The following ZFP2 variants were observed in gnomAD, a reference collection of about 807,000 sequenced individuals.
ZFP2 encodes zinc finger protein ZFP2.
ZFP2 carries 33 observed loss-of-function variants against 36.1 expected under a neutral mutation model. The ratio of observed to expected loss-of-function variants is 0.92; its 90% confidence interval spans 0.69 to 1.22. The LOEUF (loss-of-function observed/expected upper bound fraction) is 1.22, where lower values mean the gene tolerates loss of function less well. Among genes scored for constraint, ZFP2 ranks in the 50% most tolerant of loss-of-function variants. ZFP2 has a pLI of 0.00. For missense variants in ZFP2, 522 were observed against 551.4 expected (o/e 0.95, Z 0.53); for synonymous variants, 170 against 178.0 (o/e 0.96, Z 0.36).
In ZFP2 at chr5:178,931,898, C is replaced by T. The variant is rs1758855732; in HGVS notation, c.585C>T (p.Phe195=). Residue 195 remains phenylalanine, a synonymous_variant, in exon 5 of 5, where the codon TTC becomes TTT. Transcript: ENST00000361362. ...AGTGTAAAGAGTGTGGCAAAGCCTTCCATAAGAATTCATCTCTTATTCAGC... is the reference window on the plus strand; with the variant it reads ...AGTGTAAAGAGTGTGGCAAAGCCTTTCATAAGAATTCATCTCTTATTCAGC... ...PYQCKECGKA[F]HKNSSLIQHE... is the part of the protein sequence containing the mutation. 1.2e-6 allele frequency: 2 copies of T among 1,613,904 alleles called. No individual in the cohort carries two copies. The highest frequency in any genetic ancestry group is 1.7e-6 in the Non-Finnish European group (2 of 1,179,966).
At chr5:178,908,945 G>A (rs771823015) in intron 1 of ZFP2, among the ~76,000 whole-genome samples, 4 of 152,134 alleles carry the variant, frequency 2.6e-5, no homozygotes, top group Non-Finnish European at 5.9e-5. Flanking sequence ...AAAACCCCTC[G>A]TGGCCTTTGG....
chr5:178,911,199 G>A (rs1758291690), intron 1 of ZFP2, among the ~76,000 whole-genome samples: 1 of 152,176 alleles, frequency 6.6e-6, no homozygotes, highest in African/African-American at 2.4e-5. Context: ...AAGAAAGGTA[G>A]ACAATGAACT....
intron 3 of ZFP2, among the ~76,000 whole-genome samples, chr5:178,914,278 G>C (rs1368907168): frequency 1.3e-5 from 2 of 152,080 alleles, no homozygotes; most frequent in Non-Finnish European, 2.9e-5. Flanking sequence ...ACAATTATAG[G>C]AAAAACATTG....
intron 1 of ZFP2, among the ~76,000 whole-genome samples, chr5:178,900,172 G>C (rs1758025832): frequency 6.6e-6 from 1 of 152,176 alleles, no homozygotes; most frequent in Non-Finnish European, 1.5e-5. Flanking sequence ...TTTTAAATCA[G>C]CTTTTTCTGA....
At chr5:178,914,939 C>G (rs550459333) in intron 3 of ZFP2, among the ~76,000 whole-genome samples, 80 of 152,210 alleles carry the variant, frequency 5.3e-4, no homozygotes, top group Middle Eastern at 3.4e-3. Flanking sequence ...CTAGCAGATA[C>G]GAAGATTTCT....
chr5:178,903,079 G>A (rs931300857), intron 1 of ZFP2, among the ~76,000 whole-genome samples: 27 of 152,158 alleles, frequency 1.8e-4, no homozygotes, highest in African/African-American at 5.6e-4. Context: ...ACTTGGAACT[G>A]TACAGTAGAT....
intron 4 of ZFP2, among the ~76,000 whole-genome samples, chr5:178,925,107 TTA>T (rs766110848): frequency 0.049 from 5,416 of 110,094 alleles, 344 homozygotes; most frequent in African/African-American, 0.1. Context: ...AATTGAATCT[TTA>T]TATATATATA....
chr5:178,905,641 T>C (rs1229296058), intron 1 of ZFP2, among the ~76,000 whole-genome samples: 1 of 145,980 alleles, frequency 6.9e-6, no homozygotes, highest in Non-Finnish European at 1.6e-5. Flanking sequence ...AATGTAGTGC[T>C]AGGGGGAAAA....
intron 1 of ZFP2, among the ~76,000 whole-genome samples, chr5:178,897,531 C>G (rs1436291634): frequency 6.6e-6 from 1 of 152,110 alleles, no homozygotes; most frequent in Non-Finnish European, 1.5e-5. Context: ...TTAGTACTTT[C>G]ATTTTTTGTG....
At chr5:178,910,272 T>C (rs1758265042) in intron 1 of ZFP2, 1 of 1,439,180 alleles carries the variant, frequency 6.9e-7, no homozygotes, top group Admixed American at 1.7e-5. Context: ...ACATAGGTCA[T>C]TGCAAAAGTG....
chr5:178,903,734 C>T (rs952796984), intron 1 of ZFP2, among the ~76,000 whole-genome samples: 1 of 152,162 alleles, frequency 6.6e-6, no homozygotes, highest in Non-Finnish European at 1.5e-5. Flanking sequence ...CTTTGGGAGG[C>T]CGAGGTGGGT....
chr5:178,917,353 A>C (rs748668081), intron 4 of ZFP2, among the ~76,000 whole-genome samples: 12 of 152,112 alleles, frequency 7.9e-5, no homozygotes, highest in African/African-American at 9.7e-5. Flanking sequence ...CGTGGCTCAC[A>C]CCTGTAATCC....
At chr5:178,904,055 T>C (rs182859965) in intron 1 of ZFP2, among the ~76,000 whole-genome samples, 2 of 152,312 alleles carry the variant, frequency 1.3e-5, no homozygotes, top group Admixed American at 1.3e-4. Flanking sequence ...AATCTTTTTC[T>C]GTGTTTTCTA....
At chr5:178,902,726 T>C (rs988856448) in intron 1 of ZFP2, among the ~76,000 whole-genome samples, 3 of 152,012 alleles carry the variant, frequency 2.0e-5, no homozygotes, top group African/African-American at 7.2e-5. Flanking sequence ...CTATTATCTC[T>C]TCTCATAAAA....
At chr5:178,930,179 G>T (rs1758796554) in intron 4 of ZFP2, among the ~76,000 whole-genome samples, 1 of 151,238 alleles carries the variant, frequency 6.6e-6, no homozygotes, top group African/African-American at 2.4e-5. Context: ...CCAACACTGG[G>T]GATTACATTT....
rs539178234 is a variant in ZFP2, at chr5:178,922,370, G to A, written c.-78+5660G>A. On this transcript the variant is annotated intron_variant, in intron 4 of 4. Transcript: ENST00000361362. ...TCATGTAATTTTTGTTCTATATGGA[G>A]CACCACTAATAGAGTTGGCATTGGA... 7.4e-6 allele frequency: 8 copies of A among 1,085,404 alleles called. 1 individual carries two copies. Among genetic ancestry groups the A allele is most frequent in the Admixed American group, 3.5e-5 (2 of 57,410 alleles). 67.2% of individuals were successfully genotyped at this position (1,085,404 alleles called of 1,614,324 possible). A position where few individuals can be genotyped will look rare whatever the true frequency, so the allele number is the denominator to read the frequency against.
chr5:178,922,732 G>A (rs1398997135), intron 4 of ZFP2: 1 of 1,564,000 alleles, frequency 6.4e-7, no homozygotes, highest in East Asian at 2.2e-5. Flanking sequence ...CTGGAGCAAA[G>A]GGAGATATTT....
intron 1 of ZFP2, among the ~76,000 whole-genome samples, chr5:178,896,602 G>C (rs1757947896): frequency 6.6e-6 from 1 of 152,138 alleles, no homozygotes; most frequent in Non-Finnish European, 1.5e-5. Context: ...TCGACCTCGG[G>C]GAATCTTTTC....
chr5:178,910,532 C>A, intron 1 of ZFP2: 1 of 556,722 alleles, frequency 1.8e-6, no homozygotes, highest in Non-Finnish European at 3.4e-6. Flanking sequence ...TGACTTCTTG[C>A]TGGGGTCATG....
Sources: gnomAD v4.1 joint callset for allele counts (sites outside exome capture counted in the v4.1 genomes callset) on GRCh38, gnomAD v4.1.1 for gene constraint, MANE v1.5 for transcripts, NCBI Gene and HGNC (gene_info 2026-07-23, HGNC 2026-07-21) for gene names.